The following DRG2 variants were observed in gnomAD, a reference collection of about 807,000 sequenced individuals.
DRG2 encodes developmentally-regulated GTP-binding protein 2.
A neutral mutation model predicts 53.4 loss-of-function variants in DRG2; 36 were observed. The ratio of observed to expected loss-of-function variants is 0.67; its 90% CI spans 0.52 to 0.89. The LOEUF is 0.89. DRG2 is among the 40% of genes least tolerant of loss of function. The pLI is 0.00. For missense variants in DRG2, 342 were observed against 481.2 expected, an observed-to-expected ratio of 0.71 and a Z score of 2.71; for synonymous variants, 167 against 192.1, an observed-to-expected ratio of 0.87 and a Z score of 1.08.
At chr17:18,106,317 C>G in intron 11 of DRG2, 116 bp from the exon 12 acceptor site, 1 of 1,161,908 alleles carries the variant, frequency 8.6e-7, no homozygotes, top group East Asian at 2.4e-5. Flanking sequence ...GTGTGGGCAC[C>G]TGCCGCGGGA....
At chr17:18,101,216 C>T (rs1246564441) in intron 7 of DRG2, among the ~76,000 whole-genome samples, 2 of 152,208 alleles carry the variant, frequency 1.3e-5, no homozygotes, top group East Asian at 3.8e-4. Context: ...CCCAGGCTTC[C>T]CCTGAGGGGC....
chr17:18,101,953 A>C lies in DRG2; in HGVS notation c.762A>C (p.Glu254Asp). The change falls in exon 9 of 13, where the codon GAA (glutamate) becomes GAC (aspartate). Residue 254 changes from glutamate to aspartate, a missense_variant. Coordinates refer to ENST00000225729, the MANE Select transcript of DRG2 (RefSeq NM_001388.5). ...ACAAAATCGACCAGATCTCCATGGAAGAGGTGGACCGCCTGGCCCGAAAAC... is the reference window on the plus strand; with the variant it reads ...ACAAAATCGACCAGATCTCCATGGACGAGGTGGACCGCCTGGCCCGAAAAC... ...VYNKIDQISM[E>D]EVDRLARKPN... is the part of the protein sequence containing the mutation. The C allele has an allele frequency of 6.2e-7, 1 of 1,612,742 alleles. No individual in the cohort carries two copies. Among genetic ancestry groups the C allele is most frequent in the Non-Finnish European group, 8.5e-7 (1 of 1,179,294 alleles).
rs1426070653 is a variant in DRG2, at chr17:18,101,992, C to T, written c.801C>T (p.Val267=). Residue 267 remains valine, a synonymous_variant, in exon 9 of 13, where the codon GTC becomes GTT. Transcript: ENST00000225729. The part of the protein sequence containing the change: ...DRLARKPNSV[V]ISCGMKLNLD... ...TGGCCCGAAAACCCAACAGTGTGGT[C>T]ATCAGGTGAGGCCACTGGCATCCTG... 1.2e-6 allele frequency: 2 copies of T among 1,608,390 alleles called. No homozygotes were observed. Among genetic ancestry groups the T allele is most frequent in the South Asian group, 1.1e-5 (1 of 90,228 alleles).
chr17:18,107,178 C>T lies in DRG2; in HGVS notation c.1033C>T (p.Gln345Ter). 1 of 1,613,520 alleles carries T rather than the reference C, an allele frequency of 6.2e-7. No homozygotes were observed. Among genetic ancestry groups the T allele is most frequent in the Non-Finnish European group, 8.5e-7 (1 of 1,180,014 alleles). ...VWGTSTKYSPQRVGLTHTMEH... is the reference protein window; with the variant it reads ...VWGTSTKYSP The stretch of plus-strand genomic sequence containing the variant: ...GGGCACCAGCACCAAGTACAGTCCG[C>T]AGCGGGTGGGCCTGACCCACACCAT... Residue 345 changes from glutamine (Q) to a stop codon, truncating the protein, a stop_gained, in exon 13 of 13, where the codon CAG (glutamine) becomes TAG (stop). Coordinates refer to ENST00000225729, the MANE Select transcript of DRG2 (RefSeq NM_001388.5). LOFTEE classifies it high-confidence loss of function.
rs1019360710 is a variant in DRG2 at position 18,099,441 on chromosome 17, G to A, written c.377-192G>A. 3.0e-6 allele frequency: 2 copies of A among 664,412 alleles called. No homozygotes were observed. Among genetic ancestry groups the A allele is most frequent in the African/African-American group, 3.6e-5 (2 of 55,974 alleles). The allele number at this position is 664,412 out of a possible 1,614,324, so 41.2% of individuals were successfully genotyped here. On this transcript the variant is annotated intron_variant, in intron 4 of 12. Coordinates refer to ENST00000225729, the MANE Select transcript of DRG2 (RefSeq NM_001388.5). The surrounding 1 kb of genome is among the most constrained non-coding windows in gnomAD (Gnocchi z 4.4). ...ATTATCCTGTTACTCCTTTTATGAT[G>A]GTGGTGTCGGATTTTCTTCTGAAAT...
Position 18,107,548 on chromosome 17 carries a change from C to T in DRG2, c.*308C>T. 1 of 415,796 alleles carries T rather than the reference C, an allele frequency of 2.4e-6. No individual in the cohort carries two copies. 25.8% of individuals were successfully genotyped at this position (415,796 alleles called of 1,614,324 possible). On this transcript the variant is annotated 3_prime_UTR_variant, in exon 13 of 13. Coordinates refer to ENST00000225729, the MANE Select transcript of DRG2 (RefSeq NM_001388.5). ...GGGAGCAAGTTGCCCACATGCCCGC[C>T]AGCCAGGGCCTAAAGCAGATGGCAT...
In DRG2 at chr17:18,099,193, C is replaced by A; in HGVS notation, c.376+116C>A. 7.4e-7 allele frequency: 1 copy of A among 1,360,288 alleles called. No individual in the cohort carries two copies. Among genetic ancestry groups the A allele is most frequent in the Non-Finnish European group, 1.0e-6 (1 of 979,266 alleles). The allele number at this position is 1,360,288 out of a possible 1,614,324, so 84.3% of individuals were successfully genotyped here. On this transcript the variant is annotated intron_variant, in intron 4 of 12. Coordinates refer to ENST00000225729, the MANE Select transcript of DRG2 (RefSeq NM_001388.5). This position sits in a 1 kb window ranked among gnomAD's most constrained non-coding sequence, Gnocchi z 4.4. ...ATCCCTGGTCCATTATCCCGCTTTC[C>A]AGAAAAGACAGGTTCCAGTTCAAAT... is the stretch of plus-strand genomic sequence containing the variant.
At chr17:18,088,741 T>C (rs1029912627) in intron 1 of DRG2, among the ~76,000 whole-genome samples, 1 of 152,120 alleles carries the variant, frequency 6.6e-6, no homozygotes, top group African/African-American at 2.4e-5. Context: ...CACCCCAACA[T>C]AGATAATACA....
In DRG2 at chr17:18,099,709, G is replaced by T. The variant is rs576678745; in HGVS notation, c.453G>T (p.Lys151Asn). The T allele has an allele frequency of 6.2e-7, 1 of 1,605,264 alleles. No individual in the cohort carries two copies. The highest frequency in any genetic ancestry group is 8.5e-7 in the Non-Finnish European group (1 of 1,176,846). Residue 151 changes from lysine to asparagine, a missense_variant, in exon 5 of 13, where the codon AAG (lysine) becomes AAT (asparagine). Physicochemically the swap from Lys to Asn is moderately conservative, Grantham distance 94. Transcript: ENST00000225729. This position sits in a 1 kb window ranked among gnomAD's most constrained non-coding sequence, Gnocchi z 4.4. ...DVIIMMLDAT[K>N]GEVQRSLLEK... ...TCATCATGATGCTGGATGCCACCAA[G>T]GGAGAGGTGCAGAGGTCCGCAGGGT...
chr17:18,099,610 C>T lies in DRG2; in HGVS notation c.377-23C>T. 1 of 1,589,416 alleles carries T rather than the reference C, an allele frequency of 6.3e-7. No homozygotes were observed. The highest frequency in any genetic ancestry group is 8.6e-7 in the Non-Finnish European group (1 of 1,168,878). On this transcript the variant is annotated intron_variant, in intron 4 of 12. Transcript: ENST00000225729. This position sits in a 1 kb window ranked among gnomAD's most constrained non-coding sequence, Gnocchi z 4.4. ...CAGTCACATGGGTCCACATATGTAA[C>T]TGCATCCCTCACACCCATCCAGGAA...
chr17:18,095,859 A>T (rs1222546859), intron 2 of DRG2: 1 of 152,214 alleles, frequency 6.6e-6, no homozygotes, highest in Non-Finnish European at 1.5e-5. Context: ...CTTTATGCAG[A>T]TTTCCTTAGC....
In DRG2 at chr17:18,103,932, T is replaced by A; in HGVS notation, c.895+43T>A. On this transcript the variant is annotated intron_variant, in intron 10 of 12. Transcript: ENST00000225729. This position sits in a 1 kb window ranked among gnomAD's most constrained non-coding sequence, Gnocchi z 4.4. ...TAGCTGAAAAACAGGCTGAGCTTCA[T>A]CCCTAGAAGGCTGCCAGGCCGGTGT... 1 of 1,596,680 alleles carries A rather than the reference T, an allele frequency of 6.3e-7. No homozygotes were observed. Among genetic ancestry groups the A allele is most frequent in the Non-Finnish European group, 8.6e-7 (1 of 1,164,800 alleles).
intron 2 of DRG2, 151 bp downstream of exon 2, chr17:18,094,124 C>T: frequency 9.7e-7 from 1 of 1,033,690 alleles, no homozygotes; most frequent in Non-Finnish European, 1.4e-6. Flanking sequence ...AGCCCTTTAT[C>T]ATCCTAACAT....
chr17:18,090,131 A>C (rs1238346811), intron 1 of DRG2, among the ~76,000 whole-genome samples: 1 of 150,272 alleles, frequency 6.7e-6, no homozygotes, highest in Non-Finnish European at 1.5e-5. Context: ...AGATGCTCAG[A>C]ATTTTAGGAG....
intron 11 of DRG2, chr17:18,105,914 C>T (rs2045621937): frequency 6.1e-6 from 1 of 162,762 alleles, no homozygotes; most frequent in Non-Finnish European, 1.4e-5. Flanking sequence ...CCAGGGTCTC[C>T]TTCCAGTTTT....
In DRG2 at chr17:18,107,060, A is replaced by C. The variant is rs2045653147; in HGVS notation, c.1009-94A>C. The stretch of plus-strand genomic sequence containing the variant: ...TGAGGCCCCCACCTTATGCCATGGC[A>C]TTTACCCTTCAGGACACACACGCCC... On this transcript the variant is annotated intron_variant, in intron 12 of 12. Coordinates refer to ENST00000225729, the MANE Select transcript of DRG2 (RefSeq NM_001388.5). The C allele has an allele frequency of 2.7e-5, 32 of 1,177,332 alleles. No homozygotes were observed. The South Asian group carries it at 3.8e-4, about 14-fold the overall frequency. The allele number at this position is 1,177,332 out of a possible 1,614,324, so 72.9% of individuals were successfully genotyped here.
chr17:18,087,955 C>A lies in DRG2; in HGVS notation c.-69C>A. The A allele has an allele frequency of 2.6e-6, 4 of 1,518,122 alleles. No individual in the cohort carries two copies. In the South Asian group the frequency reaches 3.6e-5, roughly 14 times the overall value. The allele number at this position is 1,518,122 out of a possible 1,614,324, so 94.0% of individuals were successfully genotyped here. ...GGCTTCCGGGCGCACGCTACTCTGT[C>A]GCCGCCGTCAGACCGGAATTGCCGG... is the stretch of plus-strand genomic sequence containing the variant. On this transcript the variant is annotated 5_prime_UTR_variant, in exon 1 of 13. Transcript: ENST00000225729.
rs9891582 is a variant in DRG2 at position 18,103,516 on chromosome 17, A to G, written c.807-285A>G. Among the ~76,000 whole-genome samples the G allele has an allele frequency of 0.021, 3,151 of 152,262 alleles. 112 individuals are homozygous for G. The highest frequency in any genetic ancestry group is 0.073 in the African/African-American group (3,027 of 41,558). On this transcript the variant is annotated intron_variant, in intron 9 of 12. Transcript: ENST00000225729. The surrounding 1 kb of genome is among the most constrained non-coding windows in gnomAD (Gnocchi z 4.4). ...CGTCACAGCCCCCGGCCATCTCGCC[A>G]TGGCAGCCCTTCACTAATCACACAT... is the stretch of plus-strand genomic sequence containing the variant.
chr17:18,098,870 G>A lies in DRG2; in HGVS notation c.316-147G>A, dbSNP rs2045477756. The A allele has an allele frequency of 1.6e-5, 13 of 834,384 alleles. No homozygotes were observed. The highest frequency in any genetic ancestry group is 2.2e-5 in the Non-Finnish European group (12 of 533,574). 51.7% of individuals were successfully genotyped at this position (834,384 alleles called of 1,614,324 possible). A position where few individuals can be genotyped will look rare whatever the true frequency, so the allele number is the denominator to read the frequency against. ...GTGGTCTGCACTGGGCTGGGGTGGTGACAAGGCTCAGACTTGGCCACAGGT... is the reference window on the plus strand; with the variant it reads ...GTGGTCTGCACTGGGCTGGGGTGGTAACAAGGCTCAGACTTGGCCACAGGT... On this transcript the variant is annotated intron_variant, in intron 3 of 12. Transcript: ENST00000225729. This position sits in a 1 kb window ranked among gnomAD's most constrained non-coding sequence, Gnocchi z 4.1.
Sources: allele counts gnomAD v4.1 joint callset (sites outside exome capture counted in the v4.1 genomes callset), GRCh38; gene constraint gnomAD v4.1.1; non-coding constraint Gnocchi (gnomAD v3.1); transcripts MANE v1.5; gene names NCBI Gene and HGNC (gene_info 2026-07-23, HGNC 2026-07-21).